Variants in ARL5A observed in about 807,000 individuals in gnomAD.
The protein encoded by ARL5A is ADP-ribosylation factor-like protein 5A.
Under a neutral mutation model 25.9 loss-of-function variants are expected in ARL5A, and 18 were observed. That is an observed-to-expected ratio of 0.69 (90% CI 0.48 to 1.03). The LOEUF is 1.03. ARL5A is among the 50% of genes least tolerant of loss of function. ARL5A has a pLI of 0.00. For synonymous variants in ARL5A, 61 were observed against 67.5 expected (o/e 0.90, Z 0.47); for missense variants, 170 against 211.9 (o/e 0.80, Z 1.23).
Position 151,812,453 on chromosome 2 carries a change from CA to C in ARL5A, c.256-14del. 9 of 1,517,518 alleles carry C rather than the reference CA, an allele frequency of 5.9e-6. No homozygotes were observed. Among genetic ancestry groups the C allele is most frequent in the South Asian group, 2.5e-5 (2 of 80,790 alleles). The allele number at this position is 1,517,518 out of a possible 1,614,324, so 94.0% of individuals were successfully genotyped here. On this transcript the variant is annotated splice_polypyrimidine_tract_variant and intron_variant, in intron 3 of 5. Transcript: ENST00000295087. ...CAACTATTACAAACTAAAATAATTACAAAAAAATTATTAGTGATTATACAAT... is the reference window on the plus strand; with the variant it reads ...CAACTATTACAAACTAAAATAATTACAAAAAATTATTAGTGATTATACAAT...
rs1426125908 is a variant in ARL5A, at chr2:151,801,188, T to A, written c.*2088A>T. On this transcript the variant is annotated 3_prime_UTR_variant, in exon 6 of 6. Coordinates refer to ENST00000295087, the MANE Select transcript of ARL5A (RefSeq NM_012097.4). The stretch of plus-strand genomic sequence containing the variant: ...TGGTATAAAATTACACATCTTCTCA[T>A]GATGTCATGTCAATAATCCACTACA... 1 of 152,592 alleles carries A rather than the reference T, an allele frequency of 6.6e-6. No individual in the cohort carries two copies. The highest frequency in any genetic ancestry group is 2.4e-5 in the African/African-American group (1 of 41,454). 9.5% of individuals were successfully genotyped at this position (152,592 alleles called of 1,614,324 possible).
intron 1 of ARL5A, among the ~76,000 whole-genome samples, chr2:151,815,858 G>A (rs557120074): frequency 6.6e-5 from 10 of 151,724 alleles, no homozygotes; most frequent in South Asian, 6.2e-4. Context: ...AGACATTCAC[G>A]TTCCCCAGAT....
intron 1 of ARL5A, among the ~76,000 whole-genome samples, chr2:151,824,816 T>C (rs953870087): frequency 4.6e-5 from 7 of 152,238 alleles, no homozygotes; most frequent in African/African-American, 1.7e-4. Context: ...TGTGTGTGCG[T>C]AGGAGAAATA....
intron 1 of ARL5A, 81 bp downstream of exon 1, chr2:151,828,050 C>G (rs1328598496): frequency 1.0e-5 from 15 of 1,480,570 alleles, no homozygotes; most frequent in Non-Finnish European, 1.4e-5. Flanking sequence ...GCCCACATTC[C>G]GAAGTATTCG....
At chr2:151,810,212 C>T (rs955865280) in intron 4 of ARL5A, among the ~76,000 whole-genome samples, 3 of 152,150 alleles carry the variant, frequency 2.0e-5, no homozygotes, top group Non-Finnish European at 4.4e-5. Context: ...AAGTTGTATA[C>T]TTCATTTATG....
In ARL5A at chr2:151,799,953, T is replaced by C. The variant is rs762143256; in HGVS notation, c.*3323A>G. The C allele has an allele frequency of 6.6e-6, 1 of 152,078 alleles. No individual in the cohort carries two copies. Among genetic ancestry groups the C allele is most frequent in the Non-Finnish European group, 1.5e-5 (1 of 68,022 alleles). The allele number at this position is 152,078 out of a possible 1,614,324, so 9.4% of individuals were successfully genotyped here. ...GAAGCTGACCTTGAAAGCAATGAGG[T>C]CCAGATTACATTTGGAGAGTGGGAG... On this transcript the variant is annotated 3_prime_UTR_variant, in exon 6 of 6. Transcript: ENST00000295087.
At chr2:151,804,668 T>C (rs2099829865) in intron 5 of ARL5A, among the ~76,000 whole-genome samples, 2 of 152,252 alleles carry the variant, frequency 1.3e-5, no homozygotes, top group Admixed American at 6.6e-5. Context: ...AGTTACCTAA[T>C]AGCAAACTAG....
At chr2:151,804,079 G>A (rs899442207) in intron 5 of ARL5A, among the ~76,000 whole-genome samples, 4 of 151,880 alleles carry the variant, frequency 2.6e-5, no homozygotes, top group African/African-American at 9.7e-5. Flanking sequence ...TTTATAATAG[G>A]ATAAAATGCT....
At chr2:151,817,382 G>C (rs932165423) in intron 1 of ARL5A, among the ~76,000 whole-genome samples, 3 of 152,136 alleles carry the variant, frequency 2.0e-5, no homozygotes, top group Non-Finnish European at 4.4e-5. Flanking sequence ...CTGGCATAAA[G>C]TAGGTACTCA....
At chr2:151,806,517 C>T (rs767534148) in intron 5 of ARL5A, among the ~76,000 whole-genome samples, 3 of 152,302 alleles carry the variant, frequency 2.0e-5, no homozygotes, top group South Asian at 2.1e-4. Flanking sequence ...CCACTATCAT[C>T]GTAAAATGTA....
rs1033269048 is a variant in ARL5A at position 151,828,354 on chromosome 2, G to T, written c.-178C>A. The T allele has an allele frequency of 5.9e-6, 3 of 504,908 alleles. No homozygotes were observed. In the African/African-American group the frequency reaches 6.2e-5, roughly 10 times the overall value. 31.3% of individuals were successfully genotyped at this position (504,908 alleles called of 1,614,324 possible). ...GCCGAAGCCCAGGCCGCCCTGCCGC[G>T]CGCAAGGCCCCGCCGCTGCCGCCGC... On this transcript the variant is annotated 5_prime_UTR_variant, in exon 1 of 6. Transcript: ENST00000295087.
intron 4 of ARL5A, among the ~76,000 whole-genome samples, chr2:151,809,915 C>T (rs1016265979): frequency 6.6e-6 from 1 of 152,148 alleles, no homozygotes; most frequent in African/African-American, 2.4e-5. Context: ...AACCCCGTCT[C>T]TACTAAAAAT....
rs2099829054 is a variant in ARL5A at position 151,798,966 on chromosome 2, T to C, written c.*4310A>G. 1 of 152,178 alleles carries C rather than the reference T, an allele frequency of 6.6e-6. No homozygotes were observed. 9.4% of individuals were successfully genotyped at this position (152,178 alleles called of 1,614,324 possible). A position where few individuals can be genotyped will look rare whatever the true frequency, so the allele number is the denominator to read the frequency against. ...AGTTTTCAGAACAATACACAAGGGC[T>C]AGACATTGATAAGAAATACTGCATA... On this transcript the variant is annotated 3_prime_UTR_variant, in exon 6 of 6. Coordinates refer to ENST00000295087, the MANE Select transcript of ARL5A (RefSeq NM_012097.4).
chr2:151,802,455 G>C lies in ARL5A; in HGVS notation c.*821C>G, dbSNP rs2099829554. ...TAAGAACCACTGAAAGGAATAATCT[G>C]ATAGTTGCTCATTGTACAATCCTGC... On this transcript the variant is annotated 3_prime_UTR_variant, in exon 6 of 6. Coordinates refer to ENST00000295087, the MANE Select transcript of ARL5A (RefSeq NM_012097.4). 6.6e-6 allele frequency: 1 copy of C among 152,056 alleles called. No individual in the cohort carries two copies. Among genetic ancestry groups the C allele is most frequent in the African/African-American group, 2.4e-5 (1 of 41,440 alleles). 9.4% of individuals were successfully genotyped at this position (152,056 alleles called of 1,614,324 possible). A position where few individuals can be genotyped will look rare whatever the true frequency, so the allele number is the denominator to read the frequency against.
At chr2:151,819,143 C>A (rs966317855) in intron 1 of ARL5A, among the ~76,000 whole-genome samples, 15 of 152,102 alleles carry the variant, frequency 9.9e-5, no homozygotes, top group African/African-American at 3.6e-4. Context: ...TAAAGAATGA[C>A]TAAAAAATGT....
intron 4 of ARL5A, among the ~76,000 whole-genome samples, chr2:151,807,976 C>T (rs2099830306): frequency 6.6e-6 from 1 of 152,080 alleles, no homozygotes; most frequent in Non-Finnish European, 1.5e-5. Flanking sequence ...CTTCCTGCCC[C>T]ACTCCTCTCT....
rs763142365 is a variant in ARL5A, at chr2:151,814,304, T to C, written c.120A>G (p.Glu40=). ...CTATTGTAGGAGATGTATGTACAAC[T>C]TCATTCATAGAACTGGGGAAAAAAG... is the stretch of plus-strand genomic sequence containing the variant. ...TTILYQFSMN[E]VVHTSPTIGS... The change falls in exon 3 of 6, where the codon GAA becomes GAG. Residue 40 remains glutamate (E), a synonymous_variant. Coordinates refer to ENST00000295087, the MANE Select transcript of ARL5A (RefSeq NM_012097.4). 4 of 1,560,772 alleles carry C rather than the reference T, an allele frequency of 2.6e-6. No homozygotes were observed. The East Asian group carries it at 9.4e-5, about 37-fold the overall frequency.
chr2:151,814,119 T>C (rs748766706), intron 3 of ARL5A, 50 bp downstream of exon 3: 4 of 1,475,064 alleles, frequency 2.7e-6, no homozygotes, highest in Non-Finnish European at 1.8e-6. Flanking sequence ...AATCTAGATG[T>C]TTTCCAAGCA....
chr2:151,818,330 T>C (rs372090523), intron 1 of ARL5A, among the ~76,000 whole-genome samples: 3 of 152,058 alleles, frequency 2.0e-5, no homozygotes, highest in South Asian at 2.1e-4. Flanking sequence ...CCAGGCTGGA[T>C]TGCAGTATCA....
Sources: allele counts gnomAD v4.1 joint callset (sites outside exome capture counted in the v4.1 genomes callset), GRCh38; gene constraint gnomAD v4.1.1; transcripts MANE v1.5; gene names NCBI Gene and HGNC (gene_info 2026-07-23, HGNC 2026-07-21).